Variants in SHISA9 observed in about 807,000 individuals in gnomAD.
SHISA9 encodes shisa family member 9, also known as protein shisa-9.
Under a neutral mutation model 38.0 loss-of-function variants are expected in SHISA9, and 13 were observed. The observed-to-expected ratio is 0.34, with a 90% confidence interval of 0.22 to 0.54. The LOEUF (loss-of-function observed/expected upper bound fraction) is 0.54, where lower values mean the gene tolerates loss of function less well. Ranked by LOEUF, SHISA9 falls within the 20% of genes least tolerant of loss-of-function variation. The probability of loss-of-function intolerance (pLI) is 0.91; values close to 1 mark genes in which losing one functional copy is unlikely to be tolerated. For missense variants in SHISA9, 538 were observed against 575.8 expected, an observed-to-expected ratio of 0.93 and a Z score of 0.67; for synonymous variants, 275 against 242.0, an observed-to-expected ratio of 1.14 and a Z score of -1.27.
At chr16:13,370,790 T>C in the SHISA9 span, among the ~76,000 whole-genome samples, 1 of 152,136 alleles carries the variant, frequency 6.6e-6, no homozygotes, top group Non-Finnish European at 1.5e-5. Context: ...GCCAAATTAG[T>C]AAGGTTCTGA....
At chr16:13,089,581 A>G (rs1447219655) in intron 2 of SHISA9, among the ~76,000 whole-genome samples, 2 of 152,164 alleles carry the variant, frequency 1.3e-5, no homozygotes, top group East Asian at 1.9e-4. Flanking sequence ...TTTCTAGTTT[A>G]TTTGCATAGA....
intron 2 of SHISA9, among the ~76,000 whole-genome samples, chr16:13,143,872 G>T (rs146018122): frequency 6.6e-6 from 1 of 152,160 alleles, no homozygotes; most frequent in Non-Finnish European, 1.5e-5. Context: ...GTTGACCATG[G>T]TGGGGATATT....
chr16:13,023,741 G>A (rs755288283), intron 2 of SHISA9, among the ~76,000 whole-genome samples: 8 of 152,112 alleles, frequency 5.3e-5, no homozygotes, highest in African/African-American at 1.9e-4. Flanking sequence ...ATCTCATTGC[G>A]GTTTTGATTT....
At chr16:13,190,297 T>C (rs975028976) in intron 2 of SHISA9, among the ~76,000 whole-genome samples, 31 of 150,216 alleles carry the variant, frequency 2.1e-4, no homozygotes, top group Non-Finnish European at 2.5e-4. Flanking sequence ...GTTCTCATTG[T>C]TCAATTCCCA....
the SHISA9 span, chr16:13,246,408 G>C: frequency 6.6e-6 from 1 of 152,136 alleles, no homozygotes; most frequent in African/African-American, 2.4e-5. Context: ...CATTAAACCT[G>C]TTTTTCTTTA....
chr16:13,501,237 G>T, the SHISA9 span, among the ~76,000 whole-genome samples: 1 of 152,194 alleles, frequency 6.6e-6, no homozygotes, highest in Non-Finnish European at 1.5e-5. Context: ...AAGAGGAAAG[G>T]AGACTGCAAA....
the SHISA9 span, among the ~76,000 whole-genome samples, chr16:13,523,929 C>T: frequency 1.3e-5 from 2 of 152,268 alleles, no homozygotes; most frequent in African/African-American, 4.8e-5. Context: ...ATCCTCATAA[C>T]AATATTAAGA....
chr16:13,535,407 A>G, the SHISA9 span, among the ~76,000 whole-genome samples: 2 of 152,176 alleles, frequency 1.3e-5, no homozygotes, highest in Non-Finnish European at 2.9e-5. Flanking sequence ...TATATGCTCA[A>G]TCTGGCCACT....
chr16:13,127,317 GGA>G, intron 2 of SHISA9, among the ~76,000 whole-genome samples: 1 of 138,536 alleles, frequency 7.2e-6, no homozygotes. Context: ...AGTGAGGGAG[GGA>G]GAGAGATGAA....
chr16:12,929,724 A>G (rs1332423122), intron 2 of SHISA9, among the ~76,000 whole-genome samples: 3 of 152,070 alleles, frequency 2.0e-5, no homozygotes, highest in Non-Finnish European at 4.4e-5. Flanking sequence ...CTGTGTAGCA[A>G]ACCACCACTG....
the SHISA9 span, among the ~76,000 whole-genome samples, chr16:13,352,723 TA>T: frequency 7.5e-6 from 1 of 133,548 alleles, no homozygotes; most frequent in Non-Finnish European, 1.5e-5. Context: ...CGGGGCGTTT[TA>T]TAGGATTTGG....
chr16:13,467,601 C>T, the SHISA9 span, among the ~76,000 whole-genome samples: 1 of 152,192 alleles, frequency 6.6e-6, no homozygotes, highest in East Asian at 1.9e-4. Context: ...TAAATCCCCT[C>T]TCATATATCT....
intron 2 of SHISA9, among the ~76,000 whole-genome samples, chr16:13,131,518 G>A (rs2050306623): frequency 6.6e-6 from 1 of 152,074 alleles, no homozygotes; most frequent in African/African-American, 2.4e-5. Flanking sequence ...TGGATGCTGG[G>A]GTTAATACCA....
At chr16:12,994,288 A>G (rs79783577) in intron 2 of SHISA9, among the ~76,000 whole-genome samples, 6,158 of 152,218 alleles carry the variant, frequency 0.04, 394 homozygotes, top group African/African-American at 0.14. Flanking sequence ...GAGAGAAGTG[A>G]ATGGACCTGG....
intron 2 of SHISA9, among the ~76,000 whole-genome samples, chr16:13,008,225 C>G (rs1174245961): frequency 6.6e-6 from 1 of 152,022 alleles, no homozygotes; most frequent in Non-Finnish European, 1.5e-5. Flanking sequence ...TTTTTTACAC[C>G]CTCTTCCAGG....
chr16:13,179,629 C>T (rs775217429), intron 2 of SHISA9, among the ~76,000 whole-genome samples: 14 of 152,310 alleles, frequency 9.2e-5, no homozygotes, highest in Non-Finnish European at 1.3e-4. Flanking sequence ...GGCCTTGGCT[C>T]CAATGATGGT....
chr16:13,257,893 C>G, the SHISA9 span, among the ~76,000 whole-genome samples: 1 of 152,122 alleles, frequency 6.6e-6, no homozygotes, highest in Admixed American at 6.5e-5. Flanking sequence ...TAAACCTGTG[C>G]TTTCCATGTT....
the SHISA9 span, among the ~76,000 whole-genome samples, chr16:13,368,086 C>A: frequency 6.6e-6 from 1 of 152,106 alleles, no homozygotes; most frequent in Admixed American, 6.5e-5. Flanking sequence ...TGGCAATTTC[C>A]TACTGTGCCT....
At chr16:13,524,094 T>G in the SHISA9 span, among the ~76,000 whole-genome samples, 1 of 152,166 alleles carries the variant, frequency 6.6e-6, no homozygotes, top group Non-Finnish European at 1.5e-5. Flanking sequence ...AATGATGTTC[T>G]TGACCATTAT....
Sources: gnomAD v4.1 joint callset for allele counts (sites outside exome capture counted in the v4.1 genomes callset) on GRCh38, gnomAD v4.1.1 for gene constraint, MANE v1.5 for transcripts, NCBI Gene and HGNC (gene_info 2026-07-23, HGNC 2026-07-21) for gene names.